ZNF578: variants seen among roughly 807,000 people sequenced by gnomAD.
The protein encoded by ZNF578 is Putative chemokine-related protein B42.
A neutral mutation model predicts 8.3 loss-of-function variants in ZNF578; 8 were observed. The ratio of observed to expected loss-of-function variants is 0.96; its 90% CI spans 0.56 to 1.74. The LOEUF is 1.74. ZNF578 is among the 40% of genes most tolerant of loss of function. The pLI is 0.00. For synonymous variants in ZNF578, 206 were observed against 232.2 expected (o/e 0.89, Z 1.03); for missense variants, 726 against 707.5 (o/e 1.03, Z -0.30).
chr19:52,498,564 T>C (rs1371468546), intron 3 of ZNF578, among the ~76,000 whole-genome samples: 1 of 152,056 alleles, frequency 6.6e-6, no homozygotes, highest in Non-Finnish European at 1.5e-5. Context: ...TGTGTATTTT[T>C]AGTAGAGACG....
At chr19:52,460,310 A>G (rs2059253885) in intron 2 of ZNF578, among the ~76,000 whole-genome samples, 1 of 53,534 alleles carries the variant, frequency 1.9e-5, no homozygotes, top group Non-Finnish European at 6.1e-5. Flanking sequence ...CATCCTCTCC[A>G]ACACTTTTTT....
chr19:52,489,376 C>G (rs2059357352), intron 2 of ZNF578, among the ~76,000 whole-genome samples: 2 of 152,028 alleles, frequency 1.3e-5, no homozygotes, highest in East Asian at 3.9e-4. Flanking sequence ...AATCACCTGA[C>G]GTCGGGGGTT....
intron 5 of ZNF578, among the ~76,000 whole-genome samples, chr19:52,507,317 G>A (rs898335821): frequency 1.3e-5 from 2 of 152,160 alleles, no homozygotes; most frequent in African/African-American, 4.8e-5. Context: ...GAACCTGGGA[G>A]GTGGATGGTG....
chr19:52,466,950 G>A (rs1052024238), intron 2 of ZNF578, among the ~76,000 whole-genome samples: 1 of 151,900 alleles, frequency 6.6e-6, no homozygotes, highest in Non-Finnish European at 1.5e-5. Context: ...ACCCTTTCAT[G>A]AAGTTCCATG....
chr19:52,490,163 T>C (rs1054351854), intron 2 of ZNF578, among the ~76,000 whole-genome samples: 2 of 152,230 alleles, frequency 1.3e-5, no homozygotes, highest in African/African-American at 4.8e-5. Flanking sequence ...CTATGTCTTA[T>C]ATTTTACGCA....
Position 52,516,448 on chromosome 19 carries a change from G to T in ZNF578, c.*4294G>T, listed in dbSNP as rs894578832. On this transcript the variant is annotated 3_prime_UTR_variant, in exon 6 of 6. Transcript: ENST00000421239. ...TTTATCCTCCATGGTGAGGAGGGCC[G>T]CAGGGGGGACTGTATTTGCTCAGGG... Among the ~76,000 whole-genome samples the T allele has an allele frequency of 6.6e-6, 1 of 152,196 alleles. No individual in the cohort carries two copies. The highest frequency in any genetic ancestry group is 1.5e-5 in the Non-Finnish European group (1 of 68,026).
rs1000716937 is a variant in ZNF578, at chr19:52,496,966, G to A, written c.-19-4861G>A. On this transcript the variant is annotated intron_variant, in intron 3 of 5. Coordinates refer to ENST00000421239, the MANE Select transcript of ZNF578 (RefSeq NM_001099694.2). ...ATTTTTATTTTTTTGAGACACTCTTGCTGTTGTCCAGGCTGGAGTGCAGTG... is the reference window on the plus strand; with the variant it reads ...ATTTTTATTTTTTTGAGACACTCTTACTGTTGTCCAGGCTGGAGTGCAGTG... Among the ~76,000 whole-genome samples the A allele has an allele frequency of 3.3e-5, 5 of 151,338 alleles. No individual in the cohort carries two copies. In the East Asian group the frequency reaches 9.8e-4, roughly 30 times the overall value.
In ZNF578 at chr19:52,512,475, A is replaced by G. The variant is rs2059453085; in HGVS notation, c.*321A>G. 4 of 1,286,876 alleles carry G rather than the reference A, an allele frequency of 3.1e-6. No individual in the cohort carries two copies. The highest frequency in any genetic ancestry group is 4.4e-6 in the Non-Finnish European group (4 of 902,052). 79.7% of individuals were successfully genotyped at this position (1,286,876 alleles called of 1,614,324 possible). A position where few individuals can be genotyped will look rare whatever the true frequency, so the allele number is the denominator to read the frequency against. On this transcript the variant is annotated 3_prime_UTR_variant, in exon 6 of 6. Transcript: ENST00000421239. ...TTTTCAGACATCGTTCATACCTTGC[A>G]GTTCATCAGTGAACTCATACTGGAG...
At position 52,482,333 on chromosome 19, in the gene ZNF578, C is replaced by T. The variant is rs111551123; in HGVS notation, c.-121-8991C>T. ...ACAGGCGTAAGCCACCACGCCCAGCCCATAGTAGATTTTAAAATGGACATC... is the reference window on the plus strand; with the variant it reads ...ACAGGCGTAAGCCACCACGCCCAGCTCATAGTAGATTTTAAAATGGACATC... On this transcript the variant is annotated intron_variant, in intron 2 of 5. Transcript: ENST00000421239. 9.6e-4 allele frequency among the ~76,000 whole-genome samples: 146 copies of T among 152,196 alleles called. 1 individual carries two copies. Among genetic ancestry groups the T allele is most frequent in the African/African-American group, 3.4e-3 (142 of 41,576 alleles).
chr19:52,503,061 T>C (rs2059413060), intron 4 of ZNF578, among the ~76,000 whole-genome samples: 1 of 152,128 alleles, frequency 6.6e-6, no homozygotes, highest in Admixed American at 6.6e-5. Context: ...CCAGCTAGTT[T>C]TTGTACTTTT....
chr19:52,480,198 GC>G (rs2059321238), intron 2 of ZNF578, among the ~76,000 whole-genome samples: 1 of 152,178 alleles, frequency 6.6e-6, no homozygotes, highest in Non-Finnish European at 1.5e-5. Flanking sequence ...GAGCCACCGT[GC>G]CCAGTCGATT....
At chr19:52,485,392 T>G (rs188956113) in intron 2 of ZNF578, among the ~76,000 whole-genome samples, 87 of 152,294 alleles carry the variant, frequency 5.7e-4, no homozygotes, top group Non-Finnish European at 1.0e-3. Context: ...ATTCTTATTC[T>G]GATGGGATGG....
chr19:52,462,399 G>A (rs2059261482), intron 2 of ZNF578, among the ~76,000 whole-genome samples: 1 of 152,138 alleles, frequency 6.6e-6, no homozygotes, highest in African/African-American at 2.4e-5. Context: ...GGGCCCATGA[G>A]TATCTGTAGG....
At chr19:52,465,171 A>T (rs1036181780) in intron 2 of ZNF578, among the ~76,000 whole-genome samples, 1 of 152,192 alleles carries the variant, frequency 6.6e-6, no homozygotes, top group East Asian at 1.9e-4. Flanking sequence ...AGACAGTAGT[A>T]AACTGCAGGG....
chr19:52,511,434 C>G lies in ZNF578; in HGVS notation c.1053C>G (p.Ser351=). The change falls in exon 6 of 6, where the codon TCC becomes TCG. Residue 351 remains serine (S), a synonymous_variant. Coordinates refer to ENST00000421239, the MANE Select transcript of ZNF578 (RefSeq NM_001099694.2). The part of the protein sequence containing the change: ...KPYKCNECGK[S]FSYKSSLRCH... ...ACAAGTGTAATGAATGTGGAAAGTC[C>G]TTCAGTTACAAGTCATCCCTTAGAT... 1 of 1,613,776 alleles carries G rather than the reference C, an allele frequency of 6.2e-7. No homozygotes were observed. Among genetic ancestry groups the G allele is most frequent in the Non-Finnish European group, 8.5e-7 (1 of 1,179,952 alleles).
Position 52,510,578 on chromosome 19 carries a change from C to T in ZNF578, c.197C>T (p.Ser66Phe). 1 of 1,535,984 alleles carries T rather than the reference C, an allele frequency of 6.5e-7. No individual in the cohort carries two copies. Among genetic ancestry groups the T allele is most frequent in the Non-Finnish European group, 8.7e-7 (1 of 1,144,884 alleles). Reference sequence around the variant, plus strand: ...TGGTGTTTATATTTTGTAGATATCTCTTCCAAACGCATGATGAAGGAGGTC... The same window carrying T: ...TGGTGTTTATATTTTGTAGATATCTTTTCCAAACGCATGATGAAGGAGGTC... ...NYRNLEAVDISSKRMMKEVLS... is the reference protein window; with the variant it reads ...NYRNLEAVDIFSKRMMKEVLS... The change falls in exon 6 of 6, where the codon TCT (serine) becomes TTT (phenylalanine). Residue 66 changes from serine to phenylalanine, a missense_variant. Ser to Phe is a radical substitution (Grantham distance 155, BLOSUM62 -2). Coordinates refer to ENST00000421239, the MANE Select transcript of ZNF578 (RefSeq NM_001099694.2).
At position 52,515,077 on chromosome 19, in the gene ZNF578, C is replaced by T. The variant is rs1340678117; in HGVS notation, c.*2923C>T. ...TCCTGGGTTCAAGTGATTTCTCCTGCCTCATCCTACTGAGTAGTTGGGATT... is the reference window on the plus strand; with the variant it reads ...TCCTGGGTTCAAGTGATTTCTCCTGTCTCATCCTACTGAGTAGTTGGGATT... On this transcript the variant is annotated 3_prime_UTR_variant, in exon 6 of 6. Coordinates refer to ENST00000421239, the MANE Select transcript of ZNF578 (RefSeq NM_001099694.2). Among the ~76,000 whole-genome samples, 1 of 151,112 alleles carries T rather than the reference C, an allele frequency of 6.6e-6. No individual in the cohort carries two copies. The highest frequency in any genetic ancestry group is 6.6e-5 in the Admixed American group (1 of 15,086).
At position 52,501,124 on chromosome 19, in the gene ZNF578, G is replaced by A. The variant is rs560708438; in HGVS notation, c.-19-703G>A. Among the ~76,000 whole-genome samples the A allele has an allele frequency of 5.3e-5, 8 of 151,822 alleles. No individual in the cohort carries two copies. In the South Asian group the frequency reaches 6.2e-4, roughly 12 times the overall value. On this transcript the variant is annotated intron_variant, in intron 3 of 5. Transcript: ENST00000421239. The stretch of plus-strand genomic sequence containing the variant: ...GAAGTCCTGACCCTGTGATCCAGCC[G>A]CCTCGGCCTCCCAAAGTGCTGGGAT...
intron 4 of ZNF578, among the ~76,000 whole-genome samples, chr19:52,503,270 TCCTGG>T (rs1454122567): frequency 1.3e-5 from 2 of 152,208 alleles, no homozygotes; most frequent in African/African-American, 4.8e-5. Flanking sequence ...AGCCTTGATA[TCCTGG>T]CCTCCAGTGA....
Sources: gnomAD v4.1 joint callset for allele counts (sites outside exome capture counted in the v4.1 genomes callset) on GRCh38, gnomAD v4.1.1 for gene constraint, MANE v1.5 for transcripts, NCBI Gene and HGNC (gene_info 2026-07-23, HGNC 2026-07-21) for gene names.